PDK1: variants seen among roughly 807,000 people sequenced by gnomAD.
PDK1 encodes [Pyruvate dehydrogenase (acetyl-transferring)] kinase isozyme 1, mitochondrial.
Under a neutral mutation model 54.2 loss-of-function variants are expected in PDK1, and 39 were observed. The observed-to-expected ratio is 0.72, with a 90% CI of 0.56 to 0.94. The LOEUF (loss-of-function observed/expected upper bound fraction) is 0.94. Ranked by LOEUF, PDK1 falls within the 40% of genes least tolerant of loss-of-function variation. The pLI, the probability that PDK1 is intolerant of heterozygous loss-of-function variation, is 0.00. For missense variants in PDK1, 552 were observed against 566.0 expected, an observed-to-expected ratio of 0.98 and a Z score of 0.25; for synonymous variants, 221 against 207.1, an observed-to-expected ratio of 1.07 and a Z score of -0.58.
Position 172,584,694 on chromosome 2 carries a change from A to T in PDK1, c.946-1584A>T, listed in dbSNP as rs114871056. ...AATAGAGGCAGGGTTTTATTCTGTC[A>T]CCCAGGTTGGAGTACAGTGGTGAGA... On this transcript the variant is annotated intron_variant, in intron 8 of 10. Transcript: ENST00000282077. Among the ~76,000 whole-genome samples, 139 of 129,824 alleles carry T rather than the reference A, an allele frequency of 1.1e-3. 1 individual carries two copies. The highest frequency in any genetic ancestry group is 3.8e-3 in the African/African-American group (128 of 33,916). The allele number at this position is 129,824 out of a possible 152,430, so 85.2% of individuals were successfully genotyped here.
chr2:172,676,461 G>A, the PDK1 span, among the ~76,000 whole-genome samples: 2 of 152,170 alleles, frequency 1.3e-5, no homozygotes, highest in African/African-American at 4.8e-5. Context: ...GGATGACTTT[G>A]AGGGATTTAA....
chr2:172,612,673 GTTT>G (rs536054323), downstream of PDK1, among the ~76,000 whole-genome samples: 1 of 148,444 alleles, frequency 6.7e-6, no homozygotes, highest in African/African-American at 2.5e-5. Context: ...TACCAGTAGT[GTTT>G]TTTTTTTGAG....
chr2:172,684,713 G>C, the PDK1 span, among the ~76,000 whole-genome samples: 1 of 152,138 alleles, frequency 6.6e-6, no homozygotes, highest in African/African-American at 2.4e-5. Context: ...AGTTGCTCAT[G>C]CCAGAATCTG....
At chr2:172,708,223 A>C in the PDK1 span, among the ~76,000 whole-genome samples, 1 of 152,040 alleles carries the variant, frequency 6.6e-6, no homozygotes. Context: ...TGGGTGGTAG[A>C]GGCTGCAATG....
chr2:172,591,916 A>G (rs576948018), intron 9 of PDK1, among the ~76,000 whole-genome samples: 288 of 152,340 alleles, frequency 1.9e-3, no homozygotes, highest in African/African-American at 6.8e-3. Context: ...GAGCAGACCA[A>G]TTATTAGGCA....
chr2:172,562,019 A>G (rs973114909), intron 2 of PDK1, among the ~76,000 whole-genome samples: 20 of 152,204 alleles, frequency 1.3e-4, no homozygotes, highest in African/African-American at 4.6e-4. Flanking sequence ...CTTTTAGGAG[A>G]AAATGTGCAC....
chr2:172,600,371 G>A lies in PDK1; in HGVS notation c.*4402G>A, dbSNP rs1691071435. On this transcript the variant is annotated 3_prime_UTR_variant, in exon 11 of 11. Transcript: ENST00000282077. ...TGATTATATAACTATAAAATAGGAT[G>A]GGACAGAGAAAAATATGTCTGTATT... The A allele has an allele frequency of 6.6e-6, 1 of 152,140 alleles. No individual in the cohort carries two copies. Among genetic ancestry groups the A allele is most frequent in the Admixed American group, 6.5e-5 (1 of 15,272 alleles). The allele number at this position is 152,140 out of a possible 1,614,324, so 9.4% of individuals were successfully genotyped here.
rs777845537 is a variant in PDK1 at position 172,562,216 on chromosome 2, T to C, written c.339-4T>C. On this transcript the variant is annotated splice_polypyrimidine_tract_variant and splice_region_variant and intron_variant, in intron 2 of 10. Coordinates refer to ENST00000282077, the MANE Select transcript of PDK1 (RefSeq NM_002610.5). Reference sequence around the variant, plus strand: ...CAAACTTATCCTATTGATCTGCATTTTAGGTATATCCAGAGTCTTCAGGAG... The same window carrying C: ...CAAACTTATCCTATTGATCTGCATTCTAGGTATATCCAGAGTCTTCAGGAG... 3.9e-6 allele frequency: 6 copies of C among 1,528,826 alleles called. No homozygotes were observed. In the South Asian group the frequency reaches 6.8e-5, roughly 17 times the overall value. The allele number at this position is 1,528,826 out of a possible 1,614,324, so 94.7% of individuals were successfully genotyped here. A position where few individuals can be genotyped will look rare whatever the true frequency, so the allele number is the denominator to read the frequency against.
Position 172,556,216 on chromosome 2 carries a change from C to A in PDK1, c.66C>A (p.Ala22=). Residue 22 remains alanine (A), a synonymous_variant, in exon 1 of 11, where the codon GCC becomes GCA. Transcript: ENST00000282077. The part of the protein sequence containing the change: ...LAGPGPGLRA[A]GFSRSFSSDS... ...GCCCGGGCCCGGGGCTGCGCGCCGCCGGCTTCAGCCGCAGCTTCAGCTCGG... is the reference window on the plus strand; with the variant it reads ...GCCCGGGCCCGGGGCTGCGCGCCGCAGGCTTCAGCCGCAGCTTCAGCTCGG... 3 of 1,423,024 alleles carry A rather than the reference C, an allele frequency of 2.1e-6. No homozygotes were observed. Among genetic ancestry groups the A allele is most frequent in the South Asian group, 1.4e-5 (1 of 69,236 alleles). 88.1% of individuals were successfully genotyped at this position (1,423,024 alleles called of 1,614,324 possible).
At chr2:172,654,382 G>A in the PDK1 span, among the ~76,000 whole-genome samples, 3 of 152,184 alleles carry the variant, frequency 2.0e-5, no homozygotes, top group Admixed American at 6.5e-5. Flanking sequence ...ATGTCCATCA[G>A]TGATAGACTG....
chr2:172,576,504 TA>T (rs1689595409), intron 8 of PDK1, among the ~76,000 whole-genome samples: 1 of 151,900 alleles, frequency 6.6e-6, no homozygotes, highest in Admixed American at 6.6e-5. Context: ...AATTACACTC[TA>T]GGCTTTATTA....
At chr2:172,645,693 C>T in the PDK1 span, among the ~76,000 whole-genome samples, 2 of 152,154 alleles carry the variant, frequency 1.3e-5, no homozygotes, top group Non-Finnish European at 2.9e-5. Context: ...GTCTAGAGGA[C>T]AGGACAAGTA....
chr2:172,651,616 TA>T, the PDK1 span, among the ~76,000 whole-genome samples: 220 of 152,056 alleles, frequency 1.4e-3, 1 homozygote, highest in African/African-American at 5.1e-3. Context: ...ATAGACGCAA[TA>T]AAAAATGATA....
chr2:172,672,543 C>T, the PDK1 span, among the ~76,000 whole-genome samples: 1 of 152,168 alleles, frequency 6.6e-6, no homozygotes, highest in Non-Finnish European at 1.5e-5. Context: ...TTACCCTTCA[C>T]AGATACTGCA....
the PDK1 span, chr2:172,723,327 C>T: frequency 6.6e-6 from 1 of 152,186 alleles, no homozygotes; most frequent in African/African-American, 2.4e-5. Flanking sequence ...GTCCAAATCA[C>T]ACTGCATCCA....
intron 9 of PDK1, among the ~76,000 whole-genome samples, chr2:172,587,512 G>C (rs904337007): frequency 1.3e-5 from 2 of 151,706 alleles, no homozygotes; most frequent in Non-Finnish European, 2.9e-5. Flanking sequence ...GTGGCTTCAG[G>C]AGTGAAGCTG....
At chr2:172,573,461 C>G (rs1689395867) in intron 8 of PDK1, among the ~76,000 whole-genome samples, 1 of 151,622 alleles carries the variant, frequency 6.6e-6, no homozygotes, top group Non-Finnish European at 1.5e-5. Context: ...TAACGGTTCT[C>G]TCTCATGTAT....
rs1228090747 is a variant in PDK1, at chr2:172,607,064, T to A, written c.*11095T>A. On this transcript the variant is annotated 3_prime_UTR_variant, in exon 11 of 11. Transcript: ENST00000282077. Reference sequence around the variant, plus strand: ...TAAATTAGCTCTCAGGCATATTGTCTTCAAAGGAATGTTTTAAACCAGCCA... The same window carrying A: ...TAAATTAGCTCTCAGGCATATTGTCATCAAAGGAATGTTTTAAACCAGCCA... 6.6e-6 allele frequency: 1 copy of A among 152,224 alleles called. No individual in the cohort carries two copies. The highest frequency in any genetic ancestry group is 1.5e-5 in the Non-Finnish European group (1 of 68,046). The allele number at this position is 152,224 out of a possible 1,614,324, so 9.4% of individuals were successfully genotyped here.
the PDK1 span, among the ~76,000 whole-genome samples, chr2:172,695,986 A>C: frequency 6.6e-6 from 1 of 152,074 alleles, no homozygotes; most frequent in Non-Finnish European, 1.5e-5. Flanking sequence ...CAGGCTGGCC[A>C]ACATGGTGAA....
Sources: allele counts gnomAD v4.1 joint callset (sites outside exome capture counted in the v4.1 genomes callset), GRCh38; gene constraint gnomAD v4.1.1; transcripts MANE v1.5; gene names NCBI Gene and HGNC (gene_info 2026-07-23, HGNC 2026-07-21).